The following UST variants were observed in gnomAD, a reference collection of about 807,000 sequenced individuals.
UST encodes chondroitin sulfate 2-O-sulfotransferase.
Under a neutral mutation model 45.6 loss-of-function variants are expected in UST, and 21 were observed. The ratio of observed to expected loss-of-function variants is 0.46; its 90% confidence interval spans 0.33 to 0.66. The LOEUF is 0.66. Among genes scored for constraint, UST ranks in the 30% least tolerant of loss-of-function variants. The probability of loss-of-function intolerance (pLI) is 0.02; values close to 1 mark genes in which losing one functional copy is unlikely to be tolerated. For synonymous variants in UST, 215 were observed against 200.6 expected (o/e 1.07, Z -0.61); for missense variants, 463 against 512.4 (o/e 0.90, Z 0.93).
chr6:148,750,886 TTTCTC>T (rs555319247), intron 1 of UST, among the ~76,000 whole-genome samples: 172 of 152,210 alleles, frequency 1.1e-3, no homozygotes, highest in African/African-American at 3.6e-3. Context: ...TTCCGGGCGT[TTTCTC>T]TTTCTTTAGC....
chr6:148,880,005 T>A (rs11965025), intron 1 of UST, among the ~76,000 whole-genome samples: 24,133 of 148,796 alleles, frequency 0.16, 2,478 homozygotes, highest in African/African-American at 0.27. Context: ...TGGAGGCTGG[T>A]GTGCAGTGGC....
intron 7 of UST, among the ~76,000 whole-genome samples, chr6:149,050,117 A>G (rs950471445): frequency 5.9e-5 from 9 of 152,310 alleles, no homozygotes; most frequent in Admixed American, 5.2e-4. Flanking sequence ...TAAGGGCAGG[A>G]CTTGGCTTTC....
At chr6:148,914,960 CA>C (rs79199748) in intron 2 of UST, among the ~76,000 whole-genome samples, 16,940 of 152,130 alleles carry the variant, frequency 0.11, 1,397 homozygotes, top group East Asian at 0.41. Flanking sequence ...GTCAAAAGGT[CA>C]AGATGCTGGC....
intron 3 of UST, among the ~76,000 whole-genome samples, chr6:148,944,799 T>G (rs1159871120): frequency 6.6e-6 from 1 of 152,250 alleles, no homozygotes; most frequent in African/African-American, 2.4e-5. Context: ...ATGACATCAT[T>G]GCATTTATGC....
rs1320979132 is a variant in UST at position 148,878,761 on chromosome 6, G to T, written c.248-8225G>T. Among the ~76,000 whole-genome samples, 4 of 151,092 alleles carry T rather than the reference G, an allele frequency of 2.6e-5. No individual in the cohort carries two copies. In the East Asian group the frequency reaches 7.8e-4, roughly 30 times the overall value. ...ATGAGTCGGGGGTTCAGGTATGAGTGGTGGGGTCAGGTATGAGTGTGGGGA... is the reference window on the plus strand; with the variant it reads ...ATGAGTCGGGGGTTCAGGTATGAGTTGTGGGGTCAGGTATGAGTGTGGGGA... On this transcript the variant is annotated intron_variant, in intron 1 of 7. Coordinates refer to ENST00000367463, the MANE Select transcript of UST (RefSeq NM_005715.3).
intron 7 of UST, among the ~76,000 whole-genome samples, chr6:149,059,023 C>T (rs1035421657): frequency 3.3e-5 from 5 of 152,192 alleles, no homozygotes; most frequent in East Asian, 1.9e-4. Flanking sequence ...GCCATGATGC[C>T]GAACTTGGGG....
chr6:149,010,895 C>CAAAAAAAAAAAAAAAAAAAA (rs1172538648), intron 5 of UST, among the ~76,000 whole-genome samples: 4 of 65,612 alleles, frequency 6.1e-5, no homozygotes, highest in African/African-American at 2.6e-4. Context: ...CCGTCTCAAC[C>CAAAAAAAAAAAAAAAAAAAA]AAAAAAAAAA....
chr6:148,827,488 G>A (rs1002730497), intron 1 of UST, among the ~76,000 whole-genome samples: 5 of 151,854 alleles, frequency 3.3e-5, no homozygotes, highest in Admixed American at 6.6e-5. Context: ...GCATGGTGGC[G>A]CATGCCTGTA....
chr6:148,909,677 C>A lies in UST; in HGVS notation c.291+22648C>A, dbSNP rs143751069. Among the ~76,000 whole-genome samples, 624 of 152,316 alleles carry A rather than the reference C, an allele frequency of 4.1e-3. 2 individuals are homozygous for A. Among genetic ancestry groups the A allele is most frequent in the Middle Eastern group, 0.017 (5 of 294 alleles). ...TTCTAGCAGCAAGGATGTGTGCTGG[C>A]AGACCACCTCCACTTTCACTTAGAA... On this transcript the variant is annotated intron_variant, in intron 2 of 7. Coordinates refer to ENST00000367463, the MANE Select transcript of UST (RefSeq NM_005715.3).
At chr6:149,069,366 A>G (rs775111995) in intron 7 of UST, among the ~76,000 whole-genome samples, 9 of 152,200 alleles carry the variant, frequency 5.9e-5, no homozygotes, top group Non-Finnish European at 1.2e-4. Flanking sequence ...CCAACAGTGT[A>G]TAAGAGTTCC....
intron 4 of UST, among the ~76,000 whole-genome samples, chr6:148,955,122 G>A (rs573871369): frequency 6.6e-6 from 1 of 152,200 alleles, no homozygotes; most frequent in Non-Finnish European, 1.5e-5. Context: ...CTTAACATGG[G>A]GTTGACAGTT....
chr6:148,759,999 A>AC (rs1776181709), intron 1 of UST, among the ~76,000 whole-genome samples: 1 of 152,188 alleles, frequency 6.6e-6, no homozygotes, highest in East Asian at 1.9e-4. Context: ...ACAAGAGGTC[A>AC]TATAATTGTA....
intron 7 of UST, among the ~76,000 whole-genome samples, chr6:149,035,697 G>A (rs1181977151): frequency 6.6e-6 from 1 of 152,012 alleles, no homozygotes; most frequent in Non-Finnish European, 1.5e-5. Context: ...GGCAGAGGTT[G>A]CAGGGTTGCT....
At chr6:148,798,833 CA>C (rs1776999284) in intron 1 of UST, among the ~76,000 whole-genome samples, 1 of 151,120 alleles carries the variant, frequency 6.6e-6, no homozygotes, top group Admixed American at 6.6e-5. Flanking sequence ...TCAGGAAAAG[CA>C]ATGCAGGAGG....
chr6:148,877,745 G>A (rs1343194011), intron 1 of UST, among the ~76,000 whole-genome samples: 3 of 129,896 alleles, frequency 2.3e-5, no homozygotes, highest in Admixed American at 7.6e-5. Flanking sequence ...AGTGCAGGGG[G>A]TCGTGTATGA....
At position 148,923,338 on chromosome 6, in the gene UST, T is replaced by C. The variant is rs936929135; in HGVS notation, c.292-17941T>C. Among the ~76,000 whole-genome samples the C allele has an allele frequency of 3.9e-5, 6 of 152,170 alleles. No individual in the cohort carries two copies. In the South Asian group the frequency reaches 1.0e-3, roughly 26 times the overall value. On this transcript the variant is annotated intron_variant, in intron 2 of 7. Coordinates refer to ENST00000367463, the MANE Select transcript of UST (RefSeq NM_005715.3). ...TCATATAGTAACTCTATGTTTAGCT[T>C]TTTGAGGAGCTGCCAGACTGTTTTC...
At chr6:148,794,048 C>T (rs1456922854) in intron 1 of UST, among the ~76,000 whole-genome samples, 3 of 152,182 alleles carry the variant, frequency 2.0e-5, no homozygotes, top group African/African-American at 7.2e-5. Flanking sequence ...TAGACACTGC[C>T]AAACAGTTTT....
rs1181004797 is a variant in UST, at chr6:148,846,078, C to T, written c.248-40908C>T. ...TCTAGAACTAGAAATACCATTTGAC[C>T]CAGCCATCCCATTACTGGGTATATA... On this transcript the variant is annotated intron_variant, in intron 1 of 7. Transcript: ENST00000367463. Among the ~76,000 whole-genome samples the T allele has an allele frequency of 5.3e-5, 8 of 149,750 alleles. No individual in the cohort carries two copies. The Admixed American group carries it at 5.4e-4, about 10-fold the overall frequency.
intron 7 of UST, among the ~76,000 whole-genome samples, chr6:149,025,545 G>C (rs528196137): frequency 6.6e-6 from 1 of 152,334 alleles, no homozygotes; most frequent in Admixed American, 6.5e-5. Flanking sequence ...TCCTGACCAT[G>C]AGTTTGAATT....
Sources: allele counts gnomAD v4.1 joint callset (sites outside exome capture counted in the v4.1 genomes callset), GRCh38; gene constraint gnomAD v4.1.1; transcripts MANE v1.5; gene names NCBI Gene and HGNC (gene_info 2026-07-23, HGNC 2026-07-21).